The following CSTA variants were observed in gnomAD, a reference collection of about 807,000 sequenced individuals.
CSTA encodes the protein cystatin-A.
A neutral mutation model predicts 9.2 loss-of-function variants in CSTA; 9 were observed. The ratio of observed to expected loss-of-function variants is 0.97; its 90% CI spans 0.59 to 1.70. The LOEUF is 1.70. CSTA is among the 40% of genes most tolerant of loss of function. The pLI, the probability that CSTA is intolerant of heterozygous loss-of-function variation, is 0.00. For missense variants in CSTA, 118 were observed against 113.1 expected (o/e 1.04, Z -0.20); for synonymous variants, 36 against 40.6 (o/e 0.89, Z 0.43).
chr3:122,336,494 A>G (rs1225595129), intron 1 of CSTA, among the ~76,000 whole-genome samples: 1 of 152,228 alleles, frequency 6.6e-6, no homozygotes, highest in Non-Finnish European at 1.5e-5. Context: ...TGACTACATA[A>G]AGAGGAGAGA....
chr3:122,334,109 G>T (rs768095155), intron 1 of CSTA, among the ~76,000 whole-genome samples: 2 of 152,064 alleles, frequency 1.3e-5, no homozygotes, highest in Admixed American at 6.6e-5. Flanking sequence ...TCCTTTCTCC[G>T]CTCTCCTGCC....
At position 122,325,269 on chromosome 3, in the gene CSTA, C is replaced by A. The variant is rs756458171; in HGVS notation, c.-24C>A. The A allele has an allele frequency of 6.2e-7, 1 of 1,612,932 alleles. No homozygotes were observed. The highest frequency in any genetic ancestry group is 1.1e-5 in the South Asian group (1 of 91,048). The stretch of plus-strand genomic sequence containing the variant: ...GTTCACTTTGGTTCCAGCATCCTGT[C>A]CAGCAAAGAAGCAATCAGCCAAAAT... On this transcript the variant is annotated 5_prime_UTR_variant, in exon 1 of 3. Coordinates refer to ENST00000264474, the MANE Select transcript of CSTA (RefSeq NM_005213.4).
At chr3:122,331,104 AACACAC>A (rs10575257) in intron 1 of CSTA, among the ~76,000 whole-genome samples, 13,809 of 141,078 alleles carry the variant, frequency 0.098, 1,149 homozygotes, top group East Asian at 0.41. Flanking sequence ...GCACACAACA[AACACAC>A]ACACACACAC....
intron 1 of CSTA, among the ~76,000 whole-genome samples, chr3:122,336,866 AC>A (rs1429002199): frequency 6.6e-6 from 1 of 152,180 alleles, no homozygotes; most frequent in Admixed American, 6.5e-5. Flanking sequence ...GATCACACAA[AC>A]CTAAATTGAG....
chr3:122,336,093 T>C (rs909108543), intron 1 of CSTA, among the ~76,000 whole-genome samples: 27 of 152,222 alleles, frequency 1.8e-4, no homozygotes, highest in African/African-American at 6.3e-4. Context: ...TGTGTGCATG[T>C]GTGAGTACAC....
At chr3:122,330,598 G>A (rs1286903913) in intron 1 of CSTA, among the ~76,000 whole-genome samples, 5 of 152,198 alleles carry the variant, frequency 3.3e-5, no homozygotes, top group African/African-American at 4.8e-5. Context: ...ACATGTCATT[G>A]TAGCACCATG....
chr3:122,334,462 G>A (rs1413104726), intron 1 of CSTA, among the ~76,000 whole-genome samples: 3 of 152,088 alleles, frequency 2.0e-5, no homozygotes, highest in African/African-American at 7.2e-5. Context: ...GGGTGAGGGG[G>A]AGATTCTGTC....
chr3:122,341,176 C>T (rs1012373956), intron 2 of CSTA, among the ~76,000 whole-genome samples: 2 of 151,988 alleles, frequency 1.3e-5, no homozygotes, highest in African/African-American at 2.4e-5. Flanking sequence ...CTCCTGACCT[C>T]GTGATCCCCC....
At chr3:122,326,372 T>C (rs961380915) in intron 1 of CSTA, among the ~76,000 whole-genome samples, 5 of 152,260 alleles carry the variant, frequency 3.3e-5, no homozygotes, top group Non-Finnish European at 7.3e-5. Flanking sequence ...CATCTAGCTA[T>C]GTAGTAAACA....
intron 2 of CSTA, 36 bp downstream of exon 2, chr3:122,337,684 G>A (rs1433673382): frequency 1.6e-6 from 2 of 1,266,970 alleles, no homozygotes; most frequent in African/African-American, 1.5e-5. Context: ...GCCAAAAGAT[G>A]TATTTCTCAT....
rs1427559836 is a variant in CSTA, at chr3:122,325,353, G to C, written c.61G>C (p.Asp21His). The C allele has an allele frequency of 6.2e-7, 1 of 1,614,134 alleles. No individual in the cohort carries two copies. Among genetic ancestry groups the C allele is most frequent in the Non-Finnish European group, 8.5e-7 (1 of 1,180,004 alleles). Residue 21 changes from aspartate (D) to histidine (H), a missense_variant, in exon 1 of 3, where the codon GAT becomes CAT. Asp to His is a moderately conservative substitution (Grantham distance 81, BLOSUM62 -1). Transcript: ENST00000264474. ...CACTCCAGAAATCCAGGAGATTGTT[G>C]ATAAGGTGAGTTGATGCCATTCAGG... ...PATPEIQEIV[D>H]KVKPQLEEKT...
At chr3:122,340,750 T>C (rs143317355) in intron 2 of CSTA, among the ~76,000 whole-genome samples, 56 of 152,312 alleles carry the variant, frequency 3.7e-4, no homozygotes, top group African/African-American at 1.3e-3. Context: ...TTCTCCCTTA[T>C]CAGACTGTAT....
intron 1 of CSTA, among the ~76,000 whole-genome samples, chr3:122,333,718 AAGAGAAAGAAAGAAAG>A (rs2075220877): frequency 7.7e-6 from 1 of 129,056 alleles, no homozygotes; most frequent in South Asian, 2.9e-4. Flanking sequence ...AAAAGAAAGA[AAGAGAAAGAAAGAAAG>A]AGAAAGAAAG....
At chr3:122,335,958 TACACACACACACAC>T (rs55707796) in intron 1 of CSTA, among the ~76,000 whole-genome samples, 7 of 147,548 alleles carry the variant, frequency 4.7e-5, no homozygotes, top group East Asian at 2.0e-4. Flanking sequence ...ATCAGAGGAA[TACACACACACACAC>T]ACACACACAC....
At chr3:122,341,287 C>A in intron 2 of CSTA, 152 bp from the exon 3 acceptor site, 3 of 764,582 alleles carry the variant, frequency 3.9e-6, no homozygotes, top group South Asian at 1.6e-5. Context: ...TTTATGAATA[C>A]AAAGAGTCTA....
chr3:122,341,560 G>C lies in CSTA; in HGVS notation c.290G>C (p.Gly97Ala), dbSNP rs1288837502. The part of the protein sequence containing the change: ...VDKNKDDELT[G>A]F ...AAAAACAAGGATGACGAGCTGACGG[G>C]CTTTTAGCAGCATGTACCCAAAGTG... is the stretch of plus-strand genomic sequence containing the variant. The change falls in exon 3 of 3, where the codon GGC becomes GCC. Residue 97 changes from glycine to alanine, a missense_variant. Transcript: ENST00000264474. 3 of 1,614,102 alleles carry C rather than the reference G, an allele frequency of 1.9e-6. No homozygotes were observed. In the South Asian group the frequency reaches 3.3e-5, roughly 18 times the overall value.
intron 1 of CSTA, among the ~76,000 whole-genome samples, chr3:122,333,071 G>A (rs1355272408): frequency 7.2e-5 from 11 of 152,144 alleles, no homozygotes; most frequent in African/African-American, 2.7e-4. Context: ...AGAAATCAAG[G>A]TCCACAGTCT....
chr3:122,333,532 A>AAAG (rs1553772147), intron 1 of CSTA, among the ~76,000 whole-genome samples: 1 of 114,518 alleles, frequency 8.7e-6, no homozygotes, highest in Admixed American at 9.5e-5. Context: ...AGAAAGAAAG[A>AAAG]AAAGAAAGAA....
At chr3:122,334,994 C>G (rs1456876614) in intron 1 of CSTA, among the ~76,000 whole-genome samples, 3 of 152,214 alleles carry the variant, frequency 2.0e-5, no homozygotes, top group Non-Finnish European at 4.4e-5. Context: ...CCTTCTCCCT[C>G]ACTGTCCTCC....
Sources: gnomAD v4.1 joint callset for allele counts (sites outside exome capture counted in the v4.1 genomes callset) on GRCh38, gnomAD v4.1.1 for gene constraint, MANE v1.5 for transcripts, NCBI Gene and HGNC (gene_info 2026-07-23, HGNC 2026-07-21) for gene names.